Variants in ATRNL1 observed in about 807,000 individuals in gnomAD.
ATRNL1 encodes attractin like 1.
In ATRNL1, 95 loss-of-function variants were observed where a neutral mutation model predicts 182.7. That is an observed-to-expected ratio of 0.52 (90% CI 0.44 to 0.62). ATRNL1 has a LOEUF of 0.62. ATRNL1 is among the 20% of genes least tolerant of loss of function. The pLI, the probability that ATRNL1 is intolerant of heterozygous loss-of-function variation, is 0.00. For synonymous variants in ATRNL1, 576 were observed against 568.3 expected (o/e 1.01, Z -0.19); for missense variants, 1,471 against 1,679.5 (o/e 0.88, Z 2.17).
intron 8 of ATRNL1, among the ~76,000 whole-genome samples, chr10:115,202,386 A>G (rs1169878103): frequency 1.3e-4 from 20 of 151,574 alleles, no homozygotes; most frequent in African/African-American, 4.8e-4. Context: ...GATAGCTCTT[A>G]TTATTTTGAG....
intron 21 of ATRNL1, among the ~76,000 whole-genome samples, chr10:115,460,876 A>G (rs1386105066): frequency 6.6e-6 from 1 of 152,194 alleles, no homozygotes; most frequent in East Asian, 1.9e-4. Context: ...ACACTGGCAC[A>G]TTGAATTTTC....
chr10:115,185,381 AG>A (rs1352771003), intron 8 of ATRNL1, among the ~76,000 whole-genome samples: 3 of 152,048 alleles, frequency 2.0e-5, no homozygotes, highest in African/African-American at 7.2e-5. Flanking sequence ...AAATTAAGGA[AG>A]CACTCAAGAA....
intron 21 of ATRNL1, among the ~76,000 whole-genome samples, chr10:115,450,523 C>A (rs1441120509): frequency 6.6e-6 from 1 of 152,066 alleles, no homozygotes. Flanking sequence ...AAAGGCAATC[C>A]CATTCACAAT....
At chr10:115,289,081 A>G (rs1852768346) in intron 15 of ATRNL1, among the ~76,000 whole-genome samples, 1 of 152,168 alleles carries the variant, frequency 6.6e-6, no homozygotes, top group Non-Finnish European at 1.5e-5. Flanking sequence ...AATCATGGCA[A>G]AAGGCAAGAA....
intron 20 of ATRNL1, among the ~76,000 whole-genome samples, chr10:115,398,657 A>T (rs1312503372): frequency 2.0e-5 from 3 of 151,926 alleles, no homozygotes; most frequent in Non-Finnish European, 4.4e-5. Flanking sequence ...GCAAGCAGGG[A>T]TAGTTTGACT....
At chr10:115,395,845 T>C (rs1349347683) in intron 20 of ATRNL1, among the ~76,000 whole-genome samples, 1 of 151,770 alleles carries the variant, frequency 6.6e-6, no homozygotes, top group Non-Finnish European at 1.5e-5. Context: ...TCTATATTAT[T>C]AAAATCAAAT....
At chr10:115,377,729 C>T (rs577956757) in intron 19 of ATRNL1, among the ~76,000 whole-genome samples, 54 of 152,188 alleles carry the variant, frequency 3.5e-4, no homozygotes, top group African/African-American at 1.3e-3. Flanking sequence ...CCTGTTGGGT[C>T]CTTGGGCTGA....
At chr10:115,549,417 A>G in intron 25 of ATRNL1, 41 bp from the exon 26 acceptor site, 1 of 1,499,758 alleles carries the variant, frequency 6.7e-7, no homozygotes, top group Non-Finnish European at 9.1e-7. Flanking sequence ...ACATAGTTCA[A>G]ATAAGTTTTG....
chr10:115,896,484 A>T (rs1414525999), intron 28 of ATRNL1, among the ~76,000 whole-genome samples: 1 of 152,182 alleles, frequency 6.6e-6, no homozygotes, highest in African/African-American at 2.4e-5. Context: ...AAAACTGATG[A>T]TGTAATTTAT....
At chr10:115,178,082 C>G (rs1258666476) in intron 8 of ATRNL1, among the ~76,000 whole-genome samples, 2 of 149,206 alleles carry the variant, frequency 1.3e-5, no homozygotes, top group African/African-American at 4.9e-5. Flanking sequence ...CCACACCCAG[C>G]TACTTTTTGT....
At chr10:115,368,509 A>G (rs1857200264) in intron 19 of ATRNL1, among the ~76,000 whole-genome samples, 1 of 152,190 alleles carries the variant, frequency 6.6e-6, no homozygotes, top group Admixed American at 6.5e-5. Flanking sequence ...TGGGAGCTGT[A>G]GACCAGAGCT....
At chr10:115,826,332 C>T (rs1950430539) in intron 27 of ATRNL1, among the ~76,000 whole-genome samples, 1 of 152,056 alleles carries the variant, frequency 6.6e-6, no homozygotes, top group Non-Finnish European at 1.5e-5. Flanking sequence ...TTCCCTTCTT[C>T]GCTCCCATAG....
At chr10:115,631,365 TTAAA>T (rs1177481863) in intron 26 of ATRNL1, among the ~76,000 whole-genome samples, 5 of 151,974 alleles carry the variant, frequency 3.3e-5, no homozygotes, top group Middle Eastern at 3.4e-3. Flanking sequence ...TTGACAATAA[TTAAA>T]TAAATAGAGA....
chr10:115,094,016 A>C lies in ATRNL1; in HGVS notation c.266A>C (p.Gln89Pro). The change falls in exon 1 of 29, where the codon CAG (glutamine) becomes CCG (proline). Residue 89 changes from glutamine to proline, a missense_variant. Coordinates refer to ENST00000355044, the MANE Select transcript of ATRNL1 (RefSeq NM_207303.4). ...TGCGACCCGGGCTGGGTGGGGGACC[A>C]GTGCCAGCACTGCCAGGGCAGGTTC... Reference protein sequence around the residue: ...CLCDPGWVGDQCQHCQGRFKL... With the variant: ...CLCDPGWVGDPCQHCQGRFKL... The C allele has an allele frequency of 2.5e-6, 4 of 1,572,662 alleles. No homozygotes were observed. The highest frequency in any genetic ancestry group is 3.4e-6 in the Non-Finnish European group (4 of 1,160,946).
chr10:115,129,450 C>A lies in ATRNL1; in HGVS notation c.744C>A (p.Tyr248Ter). ...YWKGEACDIP[Y>*]CKANCGSPDH... ...AGGGTGAAGCTTGTGATATTCCTTA[C>A]TGTAAAGCCAATTGCGGCAGTCCAG... The change falls in exon 5 of 29, where the codon TAC becomes TAA. Residue 248 changes from tyrosine to a stop codon, truncating the protein, a stop_gained. Transcript: ENST00000355044. LOFTEE classifies it high-confidence loss of function. The A allele has an allele frequency of 6.2e-7, 1 of 1,614,118 alleles. No individual in the cohort carries two copies. The highest frequency in any genetic ancestry group is 8.5e-7 in the Non-Finnish European group (1 of 1,180,018).
At chr10:115,801,910 A>G (rs1365008534) in intron 27 of ATRNL1, among the ~76,000 whole-genome samples, 3 of 151,988 alleles carry the variant, frequency 2.0e-5, no homozygotes, top group Non-Finnish European at 4.4e-5. Context: ...TGTGTCTTCC[A>G]AACTTAAATT....
intron 26 of ATRNL1, among the ~76,000 whole-genome samples, chr10:115,646,009 G>A (rs1467660856): frequency 2.2e-5 from 3 of 136,424 alleles, no homozygotes; most frequent in African/African-American, 7.9e-5. Flanking sequence ...CATCCTCTTT[G>A]GTATGTTTTT....
chr10:115,242,788 T>G lies in ATRNL1; in HGVS notation c.1687+1063T>G, dbSNP rs544272532. Among the ~76,000 whole-genome samples the G allele has an allele frequency of 3.3e-5, 5 of 152,218 alleles. No individual in the cohort carries two copies. In the East Asian group the frequency reaches 9.6e-4, roughly 29 times the overall value. ...ATGGTTTTTAAATCTAAGTAATGAA[T>G]GTCATTCTGTGATTAATCATTTGAT... On this transcript the variant is annotated intron_variant, in intron 10 of 28. Transcript: ENST00000355044.
intron 28 of ATRNL1, among the ~76,000 whole-genome samples, chr10:115,889,561 C>T (rs78204185): frequency 2.8e-4 from 42 of 152,282 alleles, no homozygotes; most frequent in African/African-American, 9.4e-4. Context: ...TTCAGAATAA[C>T]GCCCATGTGC....
Sources: gnomAD v4.1 joint callset for allele counts (sites outside exome capture counted in the v4.1 genomes callset) on GRCh38, gnomAD v4.1.1 for gene constraint, MANE v1.5 for transcripts, NCBI Gene and HGNC (gene_info 2026-07-23, HGNC 2026-07-21) for gene names.